ADGRL3: variants seen among roughly 807,000 people sequenced by gnomAD.
ADGRL3 encodes the protein adhesion G protein-coupled receptor L3.
Under a neutral mutation model 153.5 loss-of-function variants are expected in ADGRL3, and 62 were observed. The ratio of observed to expected loss-of-function variants is 0.40; its 90% CI spans 0.33 to 0.50. The LOEUF (loss-of-function observed/expected upper bound fraction) is 0.50, where lower values mean the gene tolerates loss of function less well. Among genes scored for constraint, ADGRL3 ranks in the 20% least tolerant of loss-of-function variants. The pLI is 0.47. For missense variants in ADGRL3, 1,641 were observed against 1,859.4 expected (o/e 0.88, Z 2.16); for synonymous variants, 710 against 672.5 (o/e 1.06, Z -0.86).
Position 61,983,464 on chromosome 4 carries a change from C to G in ADGRL3, c.3097C>G (p.Leu1033Val). The change falls in exon 19 of 27, where the codon CTT becomes GTT. Residue 1033 changes from leucine to valine, a missense_variant. Physicochemically the swap from Leu to Val is conservative, Grantham distance 32 (BLOSUM62 1). Coordinates refer to ENST00000683033, the MANE Select transcript of ADGRL3 (RefSeq NM_001387552.1). Reference sequence around the variant, plus strand: ...CTGGATGTTCCTGGAGGGGGTGCAGCTTTATATCATGCTGGTGGAGGTTTT... The same window carrying G: ...CTGGATGTTCCTGGAGGGGGTGCAGGTTTATATCATGCTGGTGGAGGTTTT... ...FTWMFLEGVQ[L>V]YIMLVEVFES... 1 of 1,613,880 alleles carries G rather than the reference C, an allele frequency of 6.2e-7. No individual in the cohort carries two copies. The highest frequency in any genetic ancestry group is 8.5e-7 in the Non-Finnish European group (1 of 1,179,866).
At chr4:62,060,884 A>G (rs1270187105) in intron 25 of ADGRL3, among the ~76,000 whole-genome samples, 1 of 151,948 alleles carries the variant, frequency 6.6e-6, no homozygotes, top group Admixed American at 6.6e-5. Flanking sequence ...TATATGTTTT[A>G]TATCTTCAGA....
chr4:61,338,227 T>C (rs1438354178), intron 1 of ADGRL3, among the ~76,000 whole-genome samples: 1 of 151,356 alleles, frequency 6.6e-6, no homozygotes, highest in Admixed American at 6.6e-5. Context: ...GCTGAGATTA[T>C]GCCACCGCAC....
intron 1 of ADGRL3, among the ~76,000 whole-genome samples, chr4:61,348,557 G>A (rs1349521183): frequency 6.6e-6 from 1 of 151,994 alleles, no homozygotes; most frequent in Non-Finnish European, 1.5e-5. Flanking sequence ...ACATTCTTTG[G>A]AAGGTGGAAG....
In ADGRL3 at chr4:61,791,053, A is replaced by G. The variant is rs940256665; in HGVS notation, c.1400-22756A>G. ...ATTTGGGTGGGGACACAGGCAAACCATATCATTCCACTTCTAGCCCCTCCA... is the reference window on the plus strand; with the variant it reads ...ATTTGGGTGGGGACACAGGCAAACCGTATCATTCCACTTCTAGCCCCTCCA... On this transcript the variant is annotated intron_variant, in intron 8 of 26. Coordinates refer to ENST00000683033, the MANE Select transcript of ADGRL3 (RefSeq NM_001387552.1). Among the ~76,000 whole-genome samples the G allele has an allele frequency of 2.0e-5, 3 of 152,116 alleles. No homozygotes were observed. The East Asian group carries it at 5.8e-4, about 29-fold the overall frequency.
intron 13 of ADGRL3, among the ~76,000 whole-genome samples, chr4:61,916,432 C>T (rs911840468): frequency 6.6e-6 from 1 of 151,230 alleles, no homozygotes; most frequent in South Asian, 2.1e-4. Flanking sequence ...CCCAGGAGTT[C>T]GAATATAGCC....
chr4:61,480,887 T>C (rs543209889), intron 2 of ADGRL3, among the ~76,000 whole-genome samples: 1 of 152,246 alleles, frequency 6.6e-6, no homozygotes, highest in Non-Finnish European at 1.5e-5. Context: ...AACAAGTATA[T>C]GAAACGGTGC....
chr4:61,612,631 C>A (rs1188313264), intron 5 of ADGRL3, among the ~76,000 whole-genome samples: 1 of 152,110 alleles, frequency 6.6e-6, no homozygotes, highest in Non-Finnish European at 1.5e-5. Context: ...TTTTAAAAAA[C>A]CTAAAATGCA....
intron 22 of ADGRL3, among the ~76,000 whole-genome samples, chr4:62,029,871 ATTTT>A (rs1450391479): frequency 6.6e-6 from 1 of 150,970 alleles, no homozygotes; most frequent in Non-Finnish European, 1.5e-5. Flanking sequence ...GGCAATTCTT[ATTTT>A]TTCTTTTTCC....
At chr4:61,373,425 A>G (rs186926216) in intron 1 of ADGRL3, among the ~76,000 whole-genome samples, 3 of 152,210 alleles carry the variant, frequency 2.0e-5, no homozygotes, top group Non-Finnish European at 2.9e-5. Context: ...TTATGTTTGC[A>G]TATTTATCCC....
chr4:61,708,221 G>T (rs2095889611), intron 6 of ADGRL3, among the ~76,000 whole-genome samples: 1 of 152,094 alleles, frequency 6.6e-6, no homozygotes, highest in Admixed American at 6.6e-5. Flanking sequence ...TGCCAACAAT[G>T]AATGTCACTT....
intron 4 of ADGRL3, among the ~76,000 whole-genome samples, chr4:61,545,579 T>C (rs547473527): frequency 1.3e-5 from 2 of 152,304 alleles, no homozygotes; most frequent in East Asian, 1.9e-4. Flanking sequence ...AGTGACGCCA[T>C]CTCGGCTCAC....
intron 4 of ADGRL3, among the ~76,000 whole-genome samples, chr4:61,529,349 A>G (rs2098597910): frequency 6.6e-6 from 1 of 152,112 alleles, no homozygotes; most frequent in Non-Finnish European, 1.5e-5. Context: ...GATATTCTCA[A>G]TTAAAACAGC....
chr4:61,831,187 C>G (rs912548339), intron 9 of ADGRL3, among the ~76,000 whole-genome samples: 21 of 152,090 alleles, frequency 1.4e-4, no homozygotes, highest in African/African-American at 5.1e-4. Context: ...CCACACCCGG[C>G]CTAGCTTTGT....
rs373661525 is a variant in ADGRL3 at position 61,965,020 on chromosome 4, G to A, written c.2806-14543G>A. ...TTTTTTTCTGGCCTATTAGTTTTTT[G>A]GACAGGATCTCACTCTTTCACTCAG... On this transcript the variant is annotated intron_variant, in intron 17 of 26. Coordinates refer to ENST00000683033, the MANE Select transcript of ADGRL3 (RefSeq NM_001387552.1). Among the ~76,000 whole-genome samples the A allele has an allele frequency of 1.2e-3, 178 of 151,752 alleles. 1 individual carries two copies. The highest frequency in any genetic ancestry group is 4.2e-3 in the African/African-American group (172 of 41,368).
At chr4:61,222,598 A>C (rs1746156283) in intron 1 of ADGRL3, among the ~76,000 whole-genome samples, 1 of 152,184 alleles carries the variant, frequency 6.6e-6, no homozygotes, top group African/African-American at 2.4e-5. Context: ...GGCCAAAAAA[A>C]ATGTTAATTT....
chr4:61,630,879 A>T (rs2093122868), intron 5 of ADGRL3, among the ~76,000 whole-genome samples: 1 of 152,230 alleles, frequency 6.6e-6, no homozygotes, highest in African/African-American at 2.4e-5. Flanking sequence ...AGCAGTCATT[A>T]GGTATTATGG....
At chr4:61,605,186 A>G (rs1242509623) in intron 5 of ADGRL3, among the ~76,000 whole-genome samples, 1 of 151,914 alleles carries the variant, frequency 6.6e-6, no homozygotes, top group African/African-American at 2.4e-5. Flanking sequence ...TTTGTATTAT[A>G]AAAAGAAAGT....
intron 5 of ADGRL3, among the ~76,000 whole-genome samples, chr4:61,631,511 C>T (rs1477917801): frequency 3.3e-5 from 5 of 152,074 alleles, no homozygotes; most frequent in South Asian, 2.1e-4. Flanking sequence ...TATAGATCAA[C>T]GATTAGTAAA....
chr4:61,750,726 C>T (rs1185918249), intron 8 of ADGRL3, among the ~76,000 whole-genome samples: 2 of 149,818 alleles, frequency 1.3e-5, no homozygotes, highest in African/African-American at 2.5e-5. Flanking sequence ...GGAGGCGGAG[C>T]TTGCAGTGAG....
Sources: gnomAD v4.1 joint callset for allele counts (sites outside exome capture counted in the v4.1 genomes callset) on GRCh38, gnomAD v4.1.1 for gene constraint, MANE v1.5 for transcripts, NCBI Gene and HGNC (gene_info 2026-07-23, HGNC 2026-07-21) for gene names.